The following ANGPT4 variants were observed in gnomAD, a reference collection of about 807,000 sequenced individuals.
ANGPT4 encodes angiopoietin 4.
In ANGPT4, 50 loss-of-function variants were observed where a neutral mutation model predicts 53.0. The observed-to-expected ratio is 0.94, with a 90% confidence interval of 0.75 to 1.20. The LOEUF (loss-of-function observed/expected upper bound fraction) is 1.20, where lower values mean the gene tolerates loss of function less well. Among genes scored for constraint, ANGPT4 ranks in the 50% most tolerant of loss-of-function variants. The pLI, the probability that ANGPT4 is intolerant of heterozygous loss-of-function variation, is 0.00. For missense variants in ANGPT4, 648 were observed against 637.1 expected, an observed-to-expected ratio of 1.02 and a Z score of -0.18; for synonymous variants, 251 against 259.7, an observed-to-expected ratio of 0.97 and a Z score of 0.32.
intron 1 of ANGPT4, among the ~76,000 whole-genome samples, chr20:894,781 A>T (rs1205074718): frequency 6.6e-6 from 1 of 152,150 alleles, no homozygotes; most frequent in Non-Finnish European, 1.5e-5. Flanking sequence ...GAGGCCCAGA[A>T]GTCTTGCCCA....
At chr20:912,328 C>T (rs1222032240) in intron 1 of ANGPT4, among the ~76,000 whole-genome samples, 1 of 152,180 alleles carries the variant, frequency 6.6e-6, no homozygotes, top group Non-Finnish European at 1.5e-5. Context: ...ATTCTCCTCC[C>T]AGCCTCCGGA....
intron 1 of ANGPT4, among the ~76,000 whole-genome samples, chr20:912,580 G>C (rs992841491): frequency 5.3e-5 from 8 of 152,160 alleles, no homozygotes; most frequent in East Asian, 3.9e-4. Context: ...GGAGTTACTG[G>C]GGCAGGGGCT....
Position 890,116 on chromosome 20 carries a change from C to T in ANGPT4, c.465+97G>A, listed in dbSNP as rs1981774660. The T allele has an allele frequency of 1.0e-5, 15 of 1,477,078 alleles. No individual in the cohort carries two copies. In the South Asian group the frequency reaches 1.6e-4, roughly 15 times the overall value. 91.5% of individuals were successfully genotyped at this position (1,477,078 alleles called of 1,614,324 possible). A position where few individuals can be genotyped will look rare whatever the true frequency, so the allele number is the denominator to read the frequency against. ...CTACAGGCCCAGAGGAGGCCTTGAC[C>T]CTACTCAGGGTCAGAGATCAAGGTA... On this transcript the variant is annotated intron_variant, in intron 2 of 8. Transcript: ENST00000381922.
At chr20:907,322 G>A (rs1292064747) in intron 1 of ANGPT4, among the ~76,000 whole-genome samples, 1 of 152,096 alleles carries the variant, frequency 6.6e-6, no homozygotes, top group Admixed American at 6.6e-5. Flanking sequence ...AGGAGAAGAT[G>A]AGGAGTGTGG....
At chr20:879,413 A>G (rs1981301227) in intron 6 of ANGPT4, among the ~76,000 whole-genome samples, 1 of 152,214 alleles carries the variant, frequency 6.6e-6, no homozygotes, top group Non-Finnish European at 1.5e-5. Context: ...AAGAAACTTC[A>G]TTAAAGCAAC....
In ANGPT4 at chr20:881,158, G is replaced by A. The variant is rs1981387411; in HGVS notation, c.951+13C>T. 6.4e-7 allele frequency: 1 copy of A among 1,556,936 alleles called. No homozygotes were observed. ...ACCCTCTAACAGCCACAGTTCCCAG[G>A]GAGCCCCCTAACCTTCCTGGGCTTC... On this transcript the variant is annotated intron_variant, in intron 5 of 8. Coordinates refer to ENST00000381922, the MANE Select transcript of ANGPT4 (RefSeq NM_015985.4).
At chr20:894,904 A>G (rs1357052751) in intron 1 of ANGPT4, among the ~76,000 whole-genome samples, 1 of 152,030 alleles carries the variant, frequency 6.6e-6, no homozygotes, top group East Asian at 1.9e-4. Flanking sequence ...CTCCCCAAGC[A>G]CCTCACTGGT....
chr20:891,343 C>T (rs901048023), intron 1 of ANGPT4, among the ~76,000 whole-genome samples: 5 of 152,202 alleles, frequency 3.3e-5, no homozygotes, highest in Non-Finnish European at 7.3e-5. Context: ...CAAGGGTTCT[C>T]CCAGCTCTGA....
intron 4 of ANGPT4, among the ~76,000 whole-genome samples, chr20:882,603 T>G (rs1981451861): frequency 6.6e-6 from 1 of 152,136 alleles, no homozygotes; most frequent in Admixed American, 6.5e-5. Flanking sequence ...CTGCCCCACC[T>G]GTTGGCACCC....
intron 1 of ANGPT4, among the ~76,000 whole-genome samples, chr20:897,371 G>A (rs57445472): frequency 0.12 from 18,399 of 152,154 alleles, 1,649 homozygotes; most frequent in African/African-American, 0.25. Context: ...ATTTCAAATT[G>A]AGTAAACGGT....
chr20:870,500 C>G lies in ANGPT4; in HGVS notation c.*2460G>C, dbSNP rs1251987215. 4 of 152,168 alleles carry G rather than the reference C, an allele frequency of 2.6e-5. No individual in the cohort carries two copies. Among genetic ancestry groups the G allele is most frequent in the Non-Finnish European group, 5.9e-5 (4 of 68,084 alleles). The allele number at this position is 152,168 out of a possible 1,614,324, so 9.4% of individuals were successfully genotyped here. A position where few individuals can be genotyped will look rare whatever the true frequency, so the allele number is the denominator to read the frequency against. On this transcript the variant is annotated 3_prime_UTR_variant, in exon 9 of 9. Coordinates refer to ENST00000381922, the MANE Select transcript of ANGPT4 (RefSeq NM_015985.4). ...TGAGATCATGCCACTGCACTCCAGC[C>G]TGGGTGACAGAGTGAGACTCTGTCT...
At chr20:892,277 AATG>A (rs1358676558) in intron 1 of ANGPT4, among the ~76,000 whole-genome samples, 1 of 152,090 alleles carries the variant, frequency 6.6e-6, no homozygotes, top group Non-Finnish European at 1.5e-5. Flanking sequence ...TTAATAATAA[AATG>A]ATGTTACGTT....
chr20:901,312 G>A (rs949049126), intron 1 of ANGPT4, among the ~76,000 whole-genome samples: 3 of 152,128 alleles, frequency 2.0e-5, no homozygotes, highest in African/African-American at 7.2e-5. Context: ...AAAATGGCTG[G>A]TTCCTGCCTT....
At chr20:895,103 T>A (rs1396983126) in intron 1 of ANGPT4, among the ~76,000 whole-genome samples, 1 of 152,102 alleles carries the variant, frequency 6.6e-6, no homozygotes, top group East Asian at 1.9e-4. Flanking sequence ...GGGAGCTAGG[T>A]CTGGCCCATG....
At chr20:890,071 G>T in intron 2 of ANGPT4, 142 bp downstream of exon 2, 1 of 1,012,738 alleles carries the variant, frequency 9.9e-7, no homozygotes, top group Non-Finnish European at 1.4e-6. Context: ...AAGTTCATCA[G>T]GGAGGAGGGA....
chr20:913,973 T>C (rs1419574932), intron 1 of ANGPT4, among the ~76,000 whole-genome samples: 3 of 151,232 alleles, frequency 2.0e-5, no homozygotes, highest in African/African-American at 7.3e-5. Context: ...CTCAGGGAGG[T>C]GTTGGGGGAG....
At chr20:907,715 C>T (rs537998577) in intron 1 of ANGPT4, among the ~76,000 whole-genome samples, 14 of 152,282 alleles carry the variant, frequency 9.2e-5, no homozygotes, top group South Asian at 4.1e-4. Flanking sequence ...TGTAACCAGG[C>T]GGTGCTTCTG....
intron 1 of ANGPT4, among the ~76,000 whole-genome samples, chr20:909,255 T>C (rs1427167736): frequency 6.6e-6 from 1 of 152,118 alleles, no homozygotes; most frequent in African/African-American, 2.4e-5. Flanking sequence ...CATATGTGAA[T>C]TCACCCCAGC....
intron 7 of ANGPT4, among the ~76,000 whole-genome samples, chr20:877,828 T>C (rs534044968): frequency 6.6e-6 from 1 of 152,334 alleles, no homozygotes; most frequent in South Asian, 2.1e-4. Context: ...CCCCAGGGCA[T>C]AGGACAGGCT....
Sources: allele counts gnomAD v4.1 joint callset (sites outside exome capture counted in the v4.1 genomes callset), GRCh38; gene constraint gnomAD v4.1.1; transcripts MANE v1.5; gene names NCBI Gene and HGNC (gene_info 2026-07-23, HGNC 2026-07-21).